Variants in PHKB observed in about 807,000 individuals in gnomAD.
PHKB encodes the protein phosphorylase kinase regulatory subunit beta, also known as phosphorylase b kinase regulatory subunit beta.
PHKB carries 122 observed loss-of-function variants against 152.1 expected under a neutral mutation model. That is an observed-to-expected ratio of 0.80 (90% CI 0.69 to 0.93). The LOEUF is 0.93. Among genes scored for constraint, PHKB ranks in the 40% least tolerant of loss-of-function variants. The probability of loss-of-function intolerance (pLI) is 0.00; values close to 1 mark genes in which losing one functional copy is unlikely to be tolerated. For synonymous variants in PHKB, 436 were observed against 464.9 expected (o/e 0.94, Z 0.80); for missense variants, 1,304 against 1,328.4 (o/e 0.98, Z 0.29).
At chr16:47,509,106 C>G (rs1970466904) in intron 4 of PHKB, among the ~76,000 whole-genome samples, 1 of 152,152 alleles carries the variant, frequency 6.6e-6, no homozygotes, top group South Asian at 2.1e-4. Context: ...CCTTTTAGAT[C>G]TGTATCAAGT....
At chr16:47,542,894 T>C (rs906952429) in intron 6 of PHKB, among the ~76,000 whole-genome samples, 7 of 152,192 alleles carry the variant, frequency 4.6e-5, no homozygotes, top group African/African-American at 1.7e-4. Flanking sequence ...CTTAAGGAGA[T>C]TTTGGGCTGA....
chr16:47,651,041 C>A, intron 20 of PHKB, 120 bp downstream of exon 20: 1 of 747,122 alleles, frequency 1.3e-6, no homozygotes, highest in Non-Finnish European at 2.4e-6. Context: ...CTCCACCTAT[C>A]TTCCTATTCC....
chr16:47,674,331 G>A (rs1318192785), intron 26 of PHKB, among the ~76,000 whole-genome samples: 1 of 152,142 alleles, frequency 6.6e-6, no homozygotes, highest in Non-Finnish European at 1.5e-5. Flanking sequence ...TTGGCCGCTT[G>A]TATACTACAG....
chr16:47,464,074 T>C, intron 1 of PHKB: 2 of 922,164 alleles, frequency 2.2e-6, no homozygotes, highest in Non-Finnish European at 3.6e-6. Flanking sequence ...CTATAAGATA[T>C]CATTATGTCT....
chr16:47,563,892 C>T (rs1971518746), intron 7 of PHKB, among the ~76,000 whole-genome samples: 1 of 151,906 alleles, frequency 6.6e-6, no homozygotes, highest in Non-Finnish European at 1.5e-5. Flanking sequence ...CTCCCACTTG[C>T]AAGGGAGAAG....
intron 27 of PHKB, among the ~76,000 whole-genome samples, chr16:47,693,082 C>G (rs1005993487): frequency 6.6e-6 from 1 of 152,142 alleles, no homozygotes; most frequent in African/African-American, 2.4e-5. Flanking sequence ...TTAAAGGGAG[C>G]TGCTCTGTAT....
chr16:47,663,656 ACT>A lies in PHKB; in HGVS notation c.2279-18_2279-17del. The A allele has an allele frequency of 1.2e-6, 2 of 1,602,942 alleles. No homozygotes were observed. Among genetic ancestry groups the A allele is most frequent in the Non-Finnish European group, 1.7e-6 (2 of 1,170,242 alleles). On this transcript the variant is annotated intron_variant, in intron 23 of 30. Coordinates refer to ENST00000323584, the MANE Select transcript of PHKB (RefSeq NM_000293.3). ...TAATTAAAAGCTTTGTTCAACAAAGACTCTATTATCCAATGTCTAGGTACCGT... is the reference window on the plus strand; with the variant it reads ...TAATTAAAAGCTTTGTTCAACAAAGACTATTATCCAATGTCTAGGTACCGT...
At chr16:47,491,207 T>G (rs1304936387) in intron 1 of PHKB, among the ~76,000 whole-genome samples, 4 of 152,204 alleles carry the variant, frequency 2.6e-5, no homozygotes, top group African/African-American at 9.6e-5. Context: ...GTTAATTCTA[T>G]ATGTCTATAA....
intron 6 of PHKB, among the ~76,000 whole-genome samples, chr16:47,521,636 CAA>C (rs745835289): frequency 6.8e-5 from 10 of 147,654 alleles, no homozygotes; most frequent in African/African-American, 1.5e-4. Flanking sequence ...GCCTGGGAAA[CAA>C]GAGCGAAACT....
Position 47,664,929 on chromosome 16 carries a change from C to T in PHKB, c.2381C>T (p.Ser794Phe), listed in dbSNP as rs772623205. 7.4e-6 allele frequency: 12 copies of T among 1,613,808 alleles called. No homozygotes were observed. The highest frequency in any genetic ancestry group is 1.1e-5 in the South Asian group (1 of 91,052). Residue 794 changes from serine to phenylalanine, a missense_variant, in exon 25 of 31, where the codon TCC becomes TTC. Physicochemically the swap from Ser to Phe is radical, Grantham distance 155. Transcript: ENST00000323584. ...YGAAFTQKFSSSIAPHITTFL... is the reference protein window; with the variant it reads ...YGAAFTQKFSFSIAPHITTFL... ...GCTGCATTTACCCAGAAATTTTCTTCCTCTATAGCCCCACACATTACTACT... is the reference window on the plus strand; with the variant it reads ...GCTGCATTTACCCAGAAATTTTCTTTCTCTATAGCCCCACACATTACTACT...
At chr16:47,690,922 T>A (rs1349354597) in intron 27 of PHKB, among the ~76,000 whole-genome samples, 1 of 152,106 alleles carries the variant, frequency 6.6e-6, no homozygotes, top group African/African-American at 2.4e-5. Context: ...TATGATGCAT[T>A]GAAAAGGGCA....
chr16:47,668,235 T>C (rs1973573543), intron 25 of PHKB, among the ~76,000 whole-genome samples: 1 of 152,166 alleles, frequency 6.6e-6, no homozygotes, highest in African/African-American at 2.4e-5. Context: ...TTCTGTTTGT[T>C]TTCTTCTTTA....
chr16:47,519,438 T>G (rs992981291), intron 6 of PHKB, among the ~76,000 whole-genome samples: 1 of 152,222 alleles, frequency 6.6e-6, no homozygotes, highest in Non-Finnish European at 1.5e-5. Context: ...AGATGTCAGC[T>G]GGCTCTGCAC....
chr16:47,663,181 A>G (rs562692280), intron 23 of PHKB, among the ~76,000 whole-genome samples: 3 of 152,280 alleles, frequency 2.0e-5, no homozygotes, highest in African/African-American at 7.2e-5. Flanking sequence ...GGGCAAAATC[A>G]GTGGCCAAAT....
intron 7 of PHKB, among the ~76,000 whole-genome samples, chr16:47,553,383 G>A (rs573123338): frequency 5.9e-5 from 9 of 151,976 alleles, no homozygotes; most frequent in South Asian, 2.1e-4. Context: ...TTTCAGTTTC[G>A]TCAGGTCATT....
chr16:47,537,400 T>C (rs1049246448), intron 6 of PHKB, among the ~76,000 whole-genome samples: 6 of 152,364 alleles, frequency 3.9e-5, no homozygotes, highest in Admixed American at 3.9e-4. Flanking sequence ...CCTTATAGGA[T>C]TAAAGTAGAA....
intron 7 of PHKB, among the ~76,000 whole-genome samples, chr16:47,549,981 G>C (rs1407972688): frequency 6.6e-6 from 1 of 152,126 alleles, no homozygotes; most frequent in African/African-American, 2.4e-5. Context: ...GATGAAGTTT[G>C]TCGTTTAAGT....
At chr16:47,662,084 A>G (rs909819515) in intron 23 of PHKB, among the ~76,000 whole-genome samples, 4 of 152,144 alleles carry the variant, frequency 2.6e-5, no homozygotes, top group Non-Finnish European at 4.4e-5. Flanking sequence ...ACGTCTGATG[A>G]ATTCCATAGT....
At chr16:47,517,377 T>C (rs1404198990) in intron 6 of PHKB, among the ~76,000 whole-genome samples, 1 of 151,678 alleles carries the variant, frequency 6.6e-6, no homozygotes, top group African/African-American at 2.4e-5. Context: ...CACCTCAGCC[T>C]CCTCAGTAGC....
Sources: allele counts gnomAD v4.1 joint callset (sites outside exome capture counted in the v4.1 genomes callset), GRCh38; gene constraint gnomAD v4.1.1; transcripts MANE v1.5; gene names NCBI Gene and HGNC (gene_info 2026-07-23, HGNC 2026-07-21).